The following LPP variants were observed in gnomAD, a reference collection of about 807,000 sequenced individuals.
The protein encoded by LPP is LIM domain containing preferred translocation partner in lipoma.
Under a neutral mutation model 60.4 loss-of-function variants are expected in LPP, and 38 were observed. The ratio of observed to expected loss-of-function variants is 0.63; its 90% CI spans 0.49 to 0.83. The LOEUF (loss-of-function observed/expected upper bound fraction) is 0.83. LPP is among the 40% of genes least tolerant of loss of function. The pLI is 0.00. For synonymous variants in LPP, 328 were observed against 290.8 expected, an observed-to-expected ratio of 1.13 and a Z score of -1.30; for missense variants, 902 against 783.6, an observed-to-expected ratio of 1.15 and a Z score of -1.80.
At chr3:188,200,224 C>A (rs1398100893) in intron 1 of LPP, among the ~76,000 whole-genome samples, 3 of 150,802 alleles carry the variant, frequency 2.0e-5, no homozygotes, top group Non-Finnish European at 4.4e-5. Context: ...ATTGAAAAGA[C>A]TGGAGCTACT....
intron 9 of LPP, among the ~76,000 whole-genome samples, chr3:188,852,678 C>G (rs547829652): frequency 5.0e-4 from 76 of 152,296 alleles, no homozygotes; most frequent in African/African-American, 1.8e-3. Context: ...GATGCTGGCA[C>G]CATGATCTTG....
intron 6 of LPP, among the ~76,000 whole-genome samples, chr3:188,539,110 C>T (rs1328088268): frequency 7.2e-5 from 11 of 152,092 alleles, no homozygotes; most frequent in Admixed American, 7.2e-4. Flanking sequence ...TTTGAATATA[C>T]TAAGAATCAC....
At chr3:188,375,576 C>T (rs971279686) in intron 3 of LPP, among the ~76,000 whole-genome samples, 2 of 151,744 alleles carry the variant, frequency 1.3e-5, no homozygotes, top group South Asian at 2.1e-4. Context: ...TTTTTTATTG[C>T]GTCTATTTGA....
intron 4 of LPP, among the ~76,000 whole-genome samples, chr3:188,467,695 G>A (rs2149493488): frequency 6.6e-6 from 1 of 152,222 alleles, no homozygotes; most frequent in East Asian, 1.9e-4. Context: ...TCTTTGAAGT[G>A]ATGTGATGTG....
chr3:188,429,997 C>T (rs1021509935), intron 4 of LPP, among the ~76,000 whole-genome samples: 11 of 152,202 alleles, frequency 7.2e-5, no homozygotes, highest in African/African-American at 2.6e-4. Context: ...GAACTACTTC[C>T]TTTATTTTAA....
At chr3:188,327,600 A>G (rs1261314364) in intron 2 of LPP, among the ~76,000 whole-genome samples, 1 of 152,202 alleles carries the variant, frequency 6.6e-6, no homozygotes, top group East Asian at 1.9e-4. Context: ...TGGAAGGCAC[A>G]CAGTGAGTAT....
At chr3:188,654,292 G>A (rs1852684601) in intron 7 of LPP, among the ~76,000 whole-genome samples, 1 of 152,186 alleles carries the variant, frequency 6.6e-6, no homozygotes, top group Non-Finnish European at 1.5e-5. Context: ...CTGGCCAACT[G>A]AGCTTGGACA....
At chr3:188,723,606 C>T (rs1005851789) in intron 8 of LPP, among the ~76,000 whole-genome samples, 1 of 152,034 alleles carries the variant, frequency 6.6e-6, no homozygotes, top group African/African-American at 2.4e-5. Context: ...CTGAAAATAA[C>T]TTACTTGGGT....
chr3:188,811,146 A>T (rs921167397), intron 9 of LPP, among the ~76,000 whole-genome samples: 3 of 152,104 alleles, frequency 2.0e-5, no homozygotes, highest in Non-Finnish European at 4.4e-5. Flanking sequence ...AAAATTTTCA[A>T]TGAAGTATAA....
chr3:188,230,328 T>G (rs1268685062), intron 2 of LPP, among the ~76,000 whole-genome samples: 1 of 152,112 alleles, frequency 6.6e-6, no homozygotes, highest in African/African-American at 2.4e-5. Context: ...TCATGATCCA[T>G]CCACCTTGGC....
chr3:188,475,685 G>C (rs141246894), intron 4 of LPP, among the ~76,000 whole-genome samples: 1 of 151,972 alleles, frequency 6.6e-6, no homozygotes, highest in Non-Finnish European at 1.5e-5. Context: ...GGCGGATCAC[G>C]AGGTGAGGAG....
At chr3:188,183,368 G>T (rs1725675771) in intron 1 of LPP, among the ~76,000 whole-genome samples, 1 of 152,158 alleles carries the variant, frequency 6.6e-6, no homozygotes. Flanking sequence ...GTGACATCTG[G>T]TGTCTTCCTT....
chr3:188,216,587 G>A (rs1675166564), intron 1 of LPP, among the ~76,000 whole-genome samples: 1 of 152,128 alleles, frequency 6.6e-6, no homozygotes, highest in Non-Finnish European at 1.5e-5. Flanking sequence ...TGCTCATAAT[G>A]CAATGTTTCA....
Position 188,292,625 on chromosome 3 carries a change from C to G in LPP, c.-66-49038C>G, listed in dbSNP as rs138995239. Among the ~76,000 whole-genome samples the G allele has an allele frequency of 4.0e-3, 604 of 152,268 alleles. 6 individuals are homozygous for G. The highest frequency in any genetic ancestry group is 0.014 in the African/African-American group (576 of 41,538). ...TTGAATCTCTTACACACATGGTACC[C>G]AATAAGCCTAGTGCTGTATTATTAG... On this transcript the variant is annotated intron_variant, in intron 2 of 11. Coordinates refer to ENST00000617246, the MANE Select transcript of LPP (RefSeq NM_001375462.1).
intron 2 of LPP, among the ~76,000 whole-genome samples, chr3:188,278,459 G>T (rs866180285): frequency 2.2e-4 from 33 of 152,188 alleles, no homozygotes; most frequent in Non-Finnish European, 1.2e-4. Flanking sequence ...TGCTGTGTGT[G>T]CTATATACTC....
At chr3:188,758,673 G>A (rs757429641) in intron 8 of LPP, 13 of 152,180 alleles carry the variant, frequency 8.5e-5, no homozygotes, top group African/African-American at 2.7e-4. Flanking sequence ...AATCCAATGT[G>A]ATGGAGTGCT....
chr3:188,411,045 C>T (rs2148921448), intron 4 of LPP, among the ~76,000 whole-genome samples: 1 of 152,244 alleles, frequency 6.6e-6, no homozygotes, highest in South Asian at 2.1e-4. Context: ...CAAGTTGCTG[C>T]AAATGCCATT....
intron 7 of LPP, among the ~76,000 whole-genome samples, chr3:188,672,697 T>C (rs1044799456): frequency 3.3e-5 from 5 of 152,182 alleles, no homozygotes; most frequent in Non-Finnish European, 5.9e-5. Flanking sequence ...CCTTTGAAGA[T>C]TGGTGCCTTT....
chr3:188,614,640 A>G (rs533143428), intron 7 of LPP, among the ~76,000 whole-genome samples: 1 of 152,212 alleles, frequency 6.6e-6, no homozygotes, highest in Non-Finnish European at 1.5e-5. Flanking sequence ...ACTTAACGTC[A>G]TATGTCAAAT....
Sources: allele counts gnomAD v4.1 joint callset (sites outside exome capture counted in the v4.1 genomes callset), GRCh38; gene constraint gnomAD v4.1.1; transcripts MANE v1.5; gene names NCBI Gene and HGNC (gene_info 2026-07-23, HGNC 2026-07-21).